DNAH8: variants seen among roughly 807,000 people sequenced by gnomAD.
DNAH8 encodes the protein axonemal beta dynein heavy chain 8.
DNAH8 carries 382 observed loss-of-function variants against 562.1 expected under a neutral mutation model. The ratio of observed to expected loss-of-function variants is 0.68; its 90% CI spans 0.63 to 0.74. The LOEUF is 0.74. Ranked by LOEUF, DNAH8 falls within the 30% of genes least tolerant of loss-of-function variation. The pLI, the probability that DNAH8 is intolerant of heterozygous loss-of-function variation, is 0.00. For synonymous variants in DNAH8, 1,881 were observed against 1,919.4 expected (o/e 0.98, Z 0.52); for missense variants, 5,203 against 5,620.4 (o/e 0.93, Z 2.37).
At chr6:38,998,328 A>G (rs1359874599) in intron 88 of DNAH8, among the ~76,000 whole-genome samples, 1 of 152,206 alleles carries the variant, frequency 6.6e-6, no homozygotes, top group Non-Finnish European at 1.5e-5. Context: ...GAAAATACAC[A>G]GTTTATTCAC....
chr6:38,739,915 T>C (rs572067216), intron 7 of DNAH8, among the ~76,000 whole-genome samples: 71 of 152,320 alleles, frequency 4.7e-4, no homozygotes, highest in African/African-American at 1.7e-3. Flanking sequence ...AAATCTAATT[T>C]TGTGTTTTTC....
At chr6:38,747,732 C>A (rs932865370) in intron 8 of DNAH8, among the ~76,000 whole-genome samples, 3 of 152,206 alleles carry the variant, frequency 2.0e-5, no homozygotes, top group Admixed American at 2.0e-4. Context: ...TACATCTACT[C>A]TTTGTTCTTC....
At chr6:38,943,703 C>CT (rs1322003083) in intron 79 of DNAH8, among the ~76,000 whole-genome samples, 1 of 151,962 alleles carries the variant, frequency 6.6e-6, no homozygotes, top group African/African-American at 2.4e-5. Context: ...AAAAAGACAC[C>CT]TTAGGGGGTC....
chr6:38,823,585 TCTGA>T lies in DNAH8; in HGVS notation c.3749_3752del (p.Thr1250LysfsTer19), dbSNP rs1271041249. Reference sequence around the variant, plus strand: ...AGGAATTTTTGGCTAACAACCCCTCTCTGACTGAAATCAGATCAGAAATTCTACA... The same window carrying T: ...AGGAATTTTTGGCTAACAACCCCTCTCTGAAATCAGATCAGAAATTCTACA... On this transcript the variant is annotated frameshift_variant, in exon 28 of 93. Coordinates refer to ENST00000327475, the MANE Select transcript of DNAH8 (RefSeq NM_001206927.2). LOFTEE classifies it high-confidence loss of function. 1.9e-6 allele frequency: 3 copies of T among 1,610,154 alleles called. No individual in the cohort carries two copies. The highest frequency in any genetic ancestry group is 2.2e-5 in the East Asian group (1 of 44,806).
chr6:38,721,410 G>A (rs1310664517), intron 1 of DNAH8, among the ~76,000 whole-genome samples: 1 of 152,146 alleles, frequency 6.6e-6, no homozygotes, highest in Non-Finnish European at 1.5e-5. Flanking sequence ...GGGAGGCTGA[G>A]GTGGGAGGGT....
Position 39,012,464 on chromosome 6 carries a change from T to C in DNAH8, c.13541T>C (p.Leu4514Pro), listed in dbSNP as rs745689526. ...IIMSENLRDALDNMYDARIPQ... is the reference protein window; with the variant it reads ...IIMSENLRDAPDNMYDARIPQ... ...CTTCTCCAGAATCTGAGAGATGCTC[T>C]GGACAACATGTATGATGCTCGTATA... The change falls in exon 91 of 93, where the codon CTG (leucine) becomes CCG (proline). Residue 4514 changes from leucine to proline, a missense_variant. Physicochemically the swap from Leu to Pro is moderately conservative, Grantham distance 98. Transcript: ENST00000327475. The C allele has an allele frequency of 8.1e-6, 13 of 1,613,712 alleles. No individual in the cohort carries two copies. The highest frequency in any genetic ancestry group is 1.1e-5 in the Non-Finnish European group (13 of 1,179,736).
chr6:38,958,149 C>A (rs1236929304), intron 82 of DNAH8, among the ~76,000 whole-genome samples: 1 of 150,370 alleles, frequency 6.7e-6, no homozygotes, highest in African/African-American at 2.5e-5. Context: ...CTGCAGGTGC[C>A]AGCCACCACG....
intron 3 of DNAH8, among the ~76,000 whole-genome samples, chr6:38,725,000 G>A (rs1244301075): frequency 2.0e-5 from 3 of 150,474 alleles, no homozygotes; most frequent in Non-Finnish European, 4.4e-5. Context: ...CTATGGAACC[G>A]TGCCTAAAAG....
At chr6:38,788,853 A>G (rs558014477) in intron 18 of DNAH8, among the ~76,000 whole-genome samples, 63 of 152,308 alleles carry the variant, frequency 4.1e-4, no homozygotes, top group Non-Finnish European at 5.9e-4. Context: ...TTTTGAATCC[A>G]AAGTCATGAA....
At chr6:38,958,414 G>A (rs1279816358) in intron 82 of DNAH8, among the ~76,000 whole-genome samples, 29 of 131,042 alleles carry the variant, frequency 2.2e-4, no homozygotes, top group Middle Eastern at 4.1e-3. Flanking sequence ...GATATGACTG[G>A]AAAAAAAAAA....
intron 5 of DNAH8, among the ~76,000 whole-genome samples, chr6:38,736,196 C>T (rs548186976): frequency 6.6e-6 from 1 of 152,170 alleles, no homozygotes; most frequent in South Asian, 2.1e-4. Context: ...CTTTTTCTGC[C>T]TTCTGACCCT....
intron 56 of DNAH8, among the ~76,000 whole-genome samples, chr6:38,885,541 G>A (rs979913313): frequency 5.9e-5 from 9 of 152,256 alleles, no homozygotes; most frequent in African/African-American, 2.2e-4. Context: ...GAGACTTGTA[G>A]AATATAAATA....
chr6:39,004,831 G>A (rs1279181080), intron 88 of DNAH8, among the ~76,000 whole-genome samples: 4 of 152,086 alleles, frequency 2.6e-5, no homozygotes, highest in Non-Finnish European at 5.9e-5. Context: ...TAATGTTTTT[G>A]AAGTTCATCC....
At chr6:38,878,834 AAG>A in intron 53 of DNAH8, among the ~76,000 whole-genome samples, 1 of 152,316 alleles carries the variant, frequency 6.6e-6, no homozygotes, top group Non-Finnish European at 1.5e-5. Context: ...CAAAATTGCT[AAG>A]AGAGTAAATT....
In DNAH8 at chr6:38,853,313, A is replaced by G; in HGVS notation, c.5699A>G (p.Gln1900Arg). 6.2e-7 allele frequency: 1 copy of G among 1,613,506 alleles called. No individual in the cohort carries two copies. The highest frequency in any genetic ancestry group is 8.5e-7 in the Non-Finnish European group (1 of 1,179,778). Residue 1900 changes from glutamine to arginine, a missense_variant, in exon 41 of 93, where the codon CAA becomes CGA. Coordinates refer to ENST00000327475, the MANE Select transcript of DNAH8 (RefSeq NM_001206927.2). ...AFYQISDSGFQLLPFLSHFPA... is the reference protein window; with the variant it reads ...AFYQISDSGFRLLPFLSHFPA... The stretch of plus-strand genomic sequence containing the variant: ...TATCAAATCAGTGATTCAGGATTTC[A>G]ACTCTTACCATTCCTCAGCCACTTT...
At chr6:38,899,473 A>G (rs1365945767) in intron 61 of DNAH8, among the ~76,000 whole-genome samples, 12 of 152,262 alleles carry the variant, frequency 7.9e-5, no homozygotes, top group Non-Finnish European at 1.5e-4. Flanking sequence ...TTGGGTCTAA[A>G]AATAATAAAA....
At chr6:38,814,780 C>T (rs1327726365) in intron 25 of DNAH8, among the ~76,000 whole-genome samples, 2 of 152,070 alleles carry the variant, frequency 1.3e-5, no homozygotes, top group Non-Finnish European at 2.9e-5. Context: ...TGTGAGGCAA[C>T]GCACTAAGGT....
chr6:38,780,373 TAA>T (rs1768463123), intron 15 of DNAH8, among the ~76,000 whole-genome samples: 1 of 152,170 alleles, frequency 6.6e-6, no homozygotes, highest in African/African-American at 2.4e-5. Context: ...CATTCTGTCA[TAA>T]AGACACATGC....
intron 86 of DNAH8, among the ~76,000 whole-genome samples, chr6:38,983,972 C>A (rs981617382): frequency 6.6e-6 from 1 of 152,026 alleles, no homozygotes; most frequent in Non-Finnish European, 1.5e-5. Flanking sequence ...AAATAATATA[C>A]GTGCAATATA....
Sources: gnomAD v4.1 joint callset for allele counts (sites outside exome capture counted in the v4.1 genomes callset) on GRCh38, gnomAD v4.1.1 for gene constraint, MANE v1.5 for transcripts, NCBI Gene and HGNC (gene_info 2026-07-23, HGNC 2026-07-21) for gene names.